Variants in LCP1 observed in about 807,000 individuals in gnomAD.
The protein encoded by LCP1 is plastin-2.
Under a neutral mutation model 72.0 loss-of-function variants are expected in LCP1, and 23 were observed. The observed-to-expected ratio is 0.32, with a 90% CI of 0.23 to 0.45. The LOEUF is 0.45. Ranked by LOEUF, LCP1 falls within the 20% of genes least tolerant of loss-of-function variation. The pLI is 1.00. For synonymous variants in LCP1, 245 were observed against 275.4 expected (o/e 0.89, Z 1.09); for missense variants, 571 against 748.3 (o/e 0.76, Z 2.76).
chr13:46,164,720 A>G (rs1000022692), intron 1 of LCP1, among the ~76,000 whole-genome samples: 35 of 152,262 alleles, frequency 2.3e-4, no homozygotes, highest in African/African-American at 8.2e-4. Context: ...TTTTACCATC[A>G]GCATGAGCAG....
chr13:46,161,270 T>C (rs531327865), intron 1 of LCP1, among the ~76,000 whole-genome samples: 1 of 152,308 alleles, frequency 6.6e-6, no homozygotes, highest in African/African-American at 2.4e-5. Context: ...CCTTCATCTG[T>C]GGGAACTCCA....
Position 46,159,652 on chromosome 13 carries a change from C to T in LCP1, c.11G>A (p.Gly4Glu), listed in dbSNP as rs146504859. The change falls in exon 2 of 16, where the codon GGA (glycine) becomes GAA (glutamate). Residue 4 changes from glycine to glutamate, a missense_variant. Transcript: ENST00000323076. MAR[G>E]SVSDEEMMEL... is the part of the protein sequence containing the mutation. ...CATCATTTCCTCATCGGACACTGAT[C>T]CTCTGGCCATTTTTTATTGCTTTAG... is the stretch of plus-strand genomic sequence containing the variant. 3.1e-6 allele frequency: 5 copies of T among 1,613,844 alleles called. No individual in the cohort carries two copies. Among genetic ancestry groups the T allele is most frequent in the Middle Eastern group, 1.7e-4 (1 of 6,060 alleles).
intron 15 of LCP1, 106 bp from the exon 16 acceptor site, chr13:46,127,829 A>G (rs2045608694): frequency 7.5e-7 from 1 of 1,337,048 alleles, no homozygotes; most frequent in African/African-American, 1.5e-5. Context: ...GACAGAACTC[A>G]CTCCTGCAGT....
At chr13:46,163,059 G>T (rs1167948160) in intron 1 of LCP1, among the ~76,000 whole-genome samples, 1 of 151,540 alleles carries the variant, frequency 6.6e-6, no homozygotes, top group Non-Finnish European at 1.5e-5. Flanking sequence ...GGAGGGAGGT[G>T]GGGGGCGCCT....
intron 1 of LCP1, among the ~76,000 whole-genome samples, chr13:46,170,644 C>T (rs115019465): frequency 0.012 from 1,776 of 152,304 alleles, 42 homozygotes; most frequent in African/African-American, 0.04. Flanking sequence ...ATGTAATTTG[C>T]GTCTCACTAT....
At position 46,153,584 on chromosome 13, in the gene LCP1, C is replaced by T. The variant is rs561764646; in HGVS notation, c.574-639G>A. 1.3e-3 allele frequency among the ~76,000 whole-genome samples: 193 copies of T among 151,884 alleles called. 1 individual carries two copies. Among genetic ancestry groups the T allele is most frequent in the South Asian group, 9.6e-3 (46 of 4,796 alleles). On this transcript the variant is annotated intron_variant, in intron 6 of 15. Coordinates refer to ENST00000323076, the MANE Select transcript of LCP1 (RefSeq NM_002298.5). ...GGCATGGTGGCAGGTGCCTGTAATC[C>T]CAGCCACTCGGGAGGCTGAGGCAGG...
At chr13:46,177,682 G>T (rs1172749960) in intron 1 of LCP1, among the ~76,000 whole-genome samples, 1 of 152,152 alleles carries the variant, frequency 6.6e-6, no homozygotes, top group African/African-American at 2.4e-5. Context: ...CTGGGCGACA[G>T]AGTGAAACTC....
intron 1 of LCP1, among the ~76,000 whole-genome samples, chr13:46,164,528 A>G (rs1459858421): frequency 6.6e-6 from 1 of 152,264 alleles, no homozygotes; most frequent in East Asian, 1.9e-4. Context: ...TCAAACAGCA[A>G]GAACACCTTT....
chr13:46,177,244 C>A lies in LCP1; in HGVS notation c.-25+4867G>T, dbSNP rs143663090. 4.0e-4 allele frequency among the ~76,000 whole-genome samples: 61 copies of A among 152,314 alleles called. 1 individual carries two copies. The East Asian group carries it at 0.012, about 29-fold the overall frequency. Reference sequence around the variant, plus strand: ...TTATATTTGGCCATTACTATACAATCATAGATATGTGTACTTGGGTATAAA... The same window carrying A: ...TTATATTTGGCCATTACTATACAATAATAGATATGTGTACTTGGGTATAAA... On this transcript the variant is annotated intron_variant, in intron 1 of 15. Coordinates refer to ENST00000323076, the MANE Select transcript of LCP1 (RefSeq NM_002298.5).
chr13:46,151,134 G>A (rs545795365), intron 7 of LCP1, 56 bp from the exon 8 acceptor site: 4 of 1,556,564 alleles, frequency 2.6e-6, no homozygotes, highest in Non-Finnish European at 3.5e-6. Context: ...GGGGAGGGGG[G>A]TTGGTTATAA....
chr13:46,168,263 G>A (rs1270786773), intron 1 of LCP1, among the ~76,000 whole-genome samples: 2 of 152,196 alleles, frequency 1.3e-5, no homozygotes, highest in Non-Finnish European at 2.9e-5. Context: ...AAAATTCTAT[G>A]CAGTAGCTGA....
At chr13:46,145,095 G>C (rs561668012) in intron 10 of LCP1, among the ~76,000 whole-genome samples, 1 of 152,180 alleles carries the variant, frequency 6.6e-6, no homozygotes, top group African/African-American at 2.4e-5. Context: ...GTTTGGTCAG[G>C]GGTGTGTGTT....
chr13:46,146,822 T>C lies in LCP1; in HGVS notation c.1174+86A>G, dbSNP rs1022109173. The C allele has an allele frequency of 1.2e-5, 16 of 1,319,204 alleles. No homozygotes were observed. The African/African-American group carries it at 2.0e-4, about 17-fold the overall frequency. 81.7% of individuals were successfully genotyped at this position (1,319,204 alleles called of 1,614,324 possible). On this transcript the variant is annotated intron_variant, in intron 10 of 15. Transcript: ENST00000323076. ...CCTGTTTGCACATGTAAATAGTTTA[T>C]ATTTGCTTAGGAAGTGAGTTTGAAT... is the stretch of plus-strand genomic sequence containing the variant.
rs145546661 is a variant in LCP1, at chr13:46,154,523, T to C, written c.573+282A>G. ...TGTTTATTTGGCATCAAATCAAAGATAAATTGCTAAGGAAAGCTTGAGTTA... is the reference window on the plus strand; with the variant it reads ...TGTTTATTTGGCATCAAATCAAAGACAAATTGCTAAGGAAAGCTTGAGTTA... On this transcript the variant is annotated intron_variant, in intron 6 of 15. Transcript: ENST00000323076. 3.1e-3 allele frequency among the ~76,000 whole-genome samples: 474 copies of C among 152,348 alleles called. 6 individuals carry two copies. The highest frequency in any genetic ancestry group is 0.01 in the African/African-American group (428 of 41,566).
At chr13:46,166,904 T>C (rs2045879520) in intron 1 of LCP1, among the ~76,000 whole-genome samples, 1 of 152,168 alleles carries the variant, frequency 6.6e-6, no homozygotes, top group Non-Finnish European at 1.5e-5. Flanking sequence ...ATGACTAACT[T>C]TTACATAAAG....
intron 13 of LCP1, among the ~76,000 whole-genome samples, chr13:46,136,318 T>C (rs1378557262): frequency 6.6e-6 from 1 of 152,210 alleles, no homozygotes; most frequent in Admixed American, 6.5e-5. Flanking sequence ...AGTATTGGTA[T>C]ACTTGCTTCA....
chr13:46,151,706 A>G (rs987980778), intron 7 of LCP1, among the ~76,000 whole-genome samples: 1 of 152,186 alleles, frequency 6.6e-6, no homozygotes, highest in Non-Finnish European at 1.5e-5. Flanking sequence ...TATGTTTAAT[A>G]CATTGGTTTT....
intron 13 of LCP1, among the ~76,000 whole-genome samples, chr13:46,135,743 CTTTT>C (rs71074757): frequency 2.3e-5 from 3 of 130,598 alleles, no homozygotes; most frequent in Non-Finnish European, 1.6e-5. Flanking sequence ...TCTGGTCTGT[CTTTT>C]TTTTTTTTTT....
chr13:46,160,643 C>T (rs1041068585), intron 1 of LCP1, among the ~76,000 whole-genome samples: 2 of 152,154 alleles, frequency 1.3e-5, no homozygotes, highest in Non-Finnish European at 2.9e-5. Context: ...TGAGTAATTT[C>T]CCTTTTCCTG....
Sources: gnomAD v4.1 joint callset for allele counts (sites outside exome capture counted in the v4.1 genomes callset) on GRCh38, gnomAD v4.1.1 for gene constraint, MANE v1.5 for transcripts, NCBI Gene and HGNC (gene_info 2026-07-23, HGNC 2026-07-21) for gene names.